The following GATA3 variants were observed in gnomAD, a reference collection of about 807,000 sequenced individuals.
The protein encoded by GATA3 is trans-acting T-cell-specific transcription factor GATA-3.
A neutral mutation model predicts 36.0 loss-of-function variants in GATA3; 6 were observed. The ratio of observed to expected loss-of-function variants is 0.17; its 90% CI spans 0.09 to 0.33. The LOEUF (loss-of-function observed/expected upper bound fraction) is 0.33, where lower values mean the gene tolerates loss of function less well. GATA3 is among the 10% of genes least tolerant of loss of function. The pLI, the probability that GATA3 is intolerant of heterozygous loss-of-function variation, is 1.00. For missense variants in GATA3, 514 were observed against 610.1 expected (o/e 0.84, Z 1.66); for synonymous variants, 326 against 273.0 (o/e 1.19, Z -1.92).
At chr10:8,068,968 G>T (rs1832888315) in intron 4 of GATA3, among the ~76,000 whole-genome samples, 1 of 152,270 alleles carries the variant, frequency 6.6e-6, no homozygotes, top group Middle Eastern at 3.4e-3. Flanking sequence ...TTGGTGCTTG[G>T]CTTTGCGCCT....
At position 8,064,117 on chromosome 10, in the gene GATA3, C is replaced by G. The variant is rs751528200; in HGVS notation, c.903C>G (p.Leu301=). 1 of 1,614,110 alleles carries G rather than the reference C, an allele frequency of 6.2e-7. No individual in the cohort carries two copies. The highest frequency in any genetic ancestry group is 8.5e-7 in the Non-Finnish European group (1 of 1,180,026). Residue 301 remains leucine (L), a synonymous_variant, in exon 4 of 6, where the codon CTC becomes CTG. Transcript: ENST00000379328. ...YHKMNGQNRP[L]IKPKRRLSAA... is the part of the protein sequence containing the mutation. ...AAATGAACGGACAGAACCGGCCCCT[C>G]ATTAAGCCCAAGCGAAGGCTGGTAA...
chr10:8,058,883 T>A, intron 3 of GATA3, 42 bp downstream of exon 3: 1 of 1,580,054 alleles, frequency 6.3e-7, no homozygotes, highest in Middle Eastern at 1.7e-4. Context: ...TCCTCCCTCC[T>A]CCCCTTTTCC....
intron 1 of GATA3, among the ~76,000 whole-genome samples, chr10:8,047,265 G>T (rs184809619): frequency 1.1e-3 from 165 of 152,302 alleles, no homozygotes; most frequent in Admixed American, 2.4e-3. Flanking sequence ...TCTTCTGGAG[G>T]TTAAAGCAGT....
At chr10:8,072,723 C>A (rs1466117918) in intron 5 of GATA3, among the ~76,000 whole-genome samples, 1 of 151,956 alleles carries the variant, frequency 6.6e-6, no homozygotes, top group Non-Finnish European at 1.5e-5. Context: ...TGCTTTGCAC[C>A]CCATAGGTGG....
chr10:8,058,498 C>T lies in GATA3; in HGVS notation c.435C>T (p.His145=), dbSNP rs765392255. 32 of 1,612,210 alleles carry T rather than the reference C, an allele frequency of 2.0e-5. No individual in the cohort carries two copies. In the East Asian group the frequency reaches 7.1e-4, roughly 36 times the overall value. Residue 145 remains histidine (H), a synonymous_variant, in exon 3 of 6, where the codon CAC becomes CAT. Transcript: ENST00000379328. ...PASSSSLSGG[H]ASPHLFTFPP... Reference sequence around the variant, plus strand: ...CGTCCTCCTCCTTGTCGGGGGGCCACGCCAGCCCGCACCTCTTCACCTTCC... The same window carrying T: ...CGTCCTCCTCCTTGTCGGGGGGCCATGCCAGCCCGCACCTCTTCACCTTCC...
intron 3 of GATA3, among the ~76,000 whole-genome samples, chr10:8,062,818 C>A (rs1002922596): frequency 2.6e-5 from 4 of 152,192 alleles, no homozygotes; most frequent in African/African-American, 9.6e-5. Context: ...GGAGTCCTGG[C>A]TTTCTCTGGG....
chr10:8,068,865 CTTGCACAGACATTCT>C (rs1303410811), intron 4 of GATA3, among the ~76,000 whole-genome samples: 2 of 152,246 alleles, frequency 1.3e-5, no homozygotes, highest in African/African-American at 4.8e-5. Flanking sequence ...GTGCCACACA[CTTGCACAGACATTCT>C]TTGCAGAATT....
rs1832983851 is a variant in GATA3 at position 8,074,507 on chromosome 10, A to T, written c.*484A>T. The T allele has an allele frequency of 8.5e-6, 2 of 234,890 alleles. No homozygotes were observed. Among genetic ancestry groups the T allele is most frequent in the African/African-American group, 2.2e-5 (1 of 45,324 alleles). The allele number at this position is 234,890 out of a possible 1,614,324, so 14.6% of individuals were successfully genotyped here. ...GTTGTTTGATGCATTAAAAGAAAAT[A>T]AAAAAAAGAAAAAAGAGAAAAGAAA... On this transcript the variant is annotated 3_prime_UTR_variant, in exon 6 of 6. Coordinates refer to ENST00000379328, the MANE Select transcript of GATA3 (RefSeq NM_001002295.2).
chr10:8,049,379 G>T (rs1244058653), upstream of GATA3, among the ~76,000 whole-genome samples: 2 of 152,364 alleles, frequency 1.3e-5, no homozygotes, highest in South Asian at 2.1e-4. Context: ...AGCCTTGCTG[G>T]GCCGGGATCC....
chr10:8,056,712 T>A (rs1284443526), intron 2 of GATA3, among the ~76,000 whole-genome samples: 2 of 152,128 alleles, frequency 1.3e-5, no homozygotes, highest in African/African-American at 4.8e-5. Context: ...AGATGTAGGA[T>A]ACACCCCCGT....
At chr10:8,064,239 C>T (rs2131501612) in intron 4 of GATA3, 101 bp downstream of exon 4, 1 of 1,429,612 alleles carries the variant, frequency 7.0e-7, no homozygotes, top group East Asian at 2.3e-5. Flanking sequence ...GACAGGATAG[C>T]CTCCAATCGT....
Position 8,073,969 on chromosome 10 carries a change from C to T in GATA3, c.1281C>T (p.Ser427=), listed in dbSNP as rs752775289. 1 of 1,614,180 alleles carries T rather than the reference C, an allele frequency of 6.2e-7. No individual in the cohort carries two copies. Among genetic ancestry groups the T allele is most frequent in the Non-Finnish European group, 8.5e-7 (1 of 1,180,030 alleles). Residue 427 remains serine, a synonymous_variant, in exon 6 of 6, where the codon TCC becomes TCT. Coordinates refer to ENST00000379328, the MANE Select transcript of GATA3 (RefSeq NM_001002295.2). ...CGCCCACGCCGATGCACCCGCCATCCAGCCTGTCCTTTGGACCACACCACC... is the reference window on the plus strand; with the variant it reads ...CGCCCACGCCGATGCACCCGCCATCTAGCCTGTCCTTTGGACCACACCACC... ...LTTPTPMHPP[S]SLSFGPHHPS... is the part of the protein sequence containing the mutation.
At position 8,057,677 on chromosome 10, in the gene GATA3, G is replaced by A. The variant is rs1287898658; in HGVS notation, c.242-628G>A. Among the ~76,000 whole-genome samples, 4 of 152,178 alleles carry A rather than the reference G, an allele frequency of 2.6e-5. No individual in the cohort carries two copies. In the South Asian group the frequency reaches 6.2e-4, roughly 24 times the overall value. On this transcript the variant is annotated intron_variant, in intron 2 of 5. Coordinates refer to ENST00000379328, the MANE Select transcript of GATA3 (RefSeq NM_001002295.2). The stretch of plus-strand genomic sequence containing the variant: ...TAGGCCTTTTGCGGGCAGCCTGGCC[G>A]TTTCTGAGCAAGCACTGGGTTAGGT...
rs1832792032 is a variant in GATA3, at chr10:8,064,036, G to C, written c.822G>C (p.Leu274=). 1 of 1,614,220 alleles carries C rather than the reference G, an allele frequency of 6.2e-7. No individual in the cohort carries two copies. Among genetic ancestry groups the C allele is most frequent in the Non-Finnish European group, 8.5e-7 (1 of 1,180,046 alleles). Residue 274 remains leucine, a synonymous_variant, in exon 4 of 6, where the codon CTG becomes CTC. Coordinates refer to ENST00000379328, the MANE Select transcript of GATA3 (RefSeq NM_001002295.2). Reference sequence around the variant, plus strand: ...ACTGTGGGGCAACCTCGACCCCACTGTGGCGGCGAGATGGCACGGGACACT... The same window carrying C: ...ACTGTGGGGCAACCTCGACCCCACTCTGGCGGCGAGATGGCACGGGACACT... ...CVNCGATSTP[L]WRRDGTGHYL...
rs932657718 is a variant in GATA3, at chr10:8,055,706, C to T, written c.51C>T (p.Ala17=). The T allele has an allele frequency of 6.4e-7, 1 of 1,563,480 alleles. No individual in the cohort carries two copies. Among genetic ancestry groups the T allele is most frequent in the Admixed American group, 1.9e-5 (1 of 52,844 alleles). ...QPRWVSHHHP[A]VLNGQHPDTH... ...GCTGGGTGAGCCACCACCACCCCGC[C>T]GTGCTCAACGGGCAGCACCCGGACA... Residue 17 remains alanine, a synonymous_variant, in exon 2 of 6, where the codon GCC becomes GCT. Coordinates refer to ENST00000379328, the MANE Select transcript of GATA3 (RefSeq NM_001002295.2). The surrounding 1 kb of genome is among the most constrained non-coding windows in gnomAD (Gnocchi z 5.4).
At chr10:8,046,142 C>T (rs1413833962) in intron 1 of GATA3, among the ~76,000 whole-genome samples, 1 of 152,114 alleles carries the variant, frequency 6.6e-6, no homozygotes, top group Non-Finnish European at 1.5e-5. Flanking sequence ...GCATCCGAAG[C>T]GGAAGGGGCA....
intron 3 of GATA3, among the ~76,000 whole-genome samples, chr10:8,062,084 C>G (rs188037754): frequency 3.9e-5 from 6 of 152,340 alleles, no homozygotes; most frequent in Admixed American, 3.9e-4. Context: ...GCCCACTCAC[C>G]CTTCACTCTT....
At chr10:8,066,691 A>G (rs1832849403) in intron 4 of GATA3, among the ~76,000 whole-genome samples, 1 of 152,204 alleles carries the variant, frequency 6.6e-6, no homozygotes, top group Admixed American at 6.5e-5. Flanking sequence ...GAAGACTCAT[A>G]GATTCTTTTC....
intron 3 of GATA3, among the ~76,000 whole-genome samples, chr10:8,062,332 G>T (rs1230099492): frequency 3.2e-4 from 1 of 3,148 alleles, no homozygotes; most frequent in Non-Finnish European, 1.2e-3. Context: ...GGAATGTGGA[G>T]CAAAAAAAAA....
Sources: gnomAD v4.1 joint callset for allele counts (sites outside exome capture counted in the v4.1 genomes callset) on GRCh38, gnomAD v4.1.1 for gene constraint, Gnocchi (gnomAD v3.1) non-coding constraint, MANE v1.5 for transcripts, NCBI Gene and HGNC (gene_info 2026-07-23, HGNC 2026-07-21) for gene names.